The following SBF1 variants were observed in gnomAD, a reference collection of about 807,000 sequenced individuals.
SBF1 encodes SET binding factor 1.
SBF1 carries 65 observed loss-of-function variants against 215.8 expected under a neutral mutation model. That is an observed-to-expected ratio of 0.30 (90% confidence interval 0.25 to 0.37). SBF1 has a LOEUF of 0.37. Among genes scored for constraint, SBF1 ranks in the 10% least tolerant of loss-of-function variants. The probability of loss-of-function intolerance (pLI) is 1.00; values close to 1 mark genes in which losing one functional copy is unlikely to be tolerated. For synonymous variants in SBF1, 1,410 were observed against 1,122.8 expected (o/e 1.26, Z -5.11); for missense variants, 2,634 against 2,667.8 (o/e 0.99, Z 0.28).
At position 50,452,238 on chromosome 22, in the gene SBF1, TAAAC is replaced by T. The variant is rs374373074; in HGVS notation, c.5043+2270_5043+2273del. Among the ~76,000 whole-genome samples the T allele has an allele frequency of 4.1e-3, 624 of 151,078 alleles. 5 individuals carry two copies. The highest frequency in any genetic ancestry group is 0.012 in the African/African-American group (500 of 41,086). ...ATAAAGGCACCAAGATGTTTTCAGA[TAAAC>T]AAAAGCTGAGGGGATTTGTGACTGG... On this transcript the variant is annotated intron_variant, in intron 36 of 40. Coordinates refer to ENST00000380817, the MANE Select transcript of SBF1 (RefSeq NM_002972.4).
At position 50,464,228 on chromosome 22, in the gene SBF1, G is replaced by A. The variant is rs930254037; in HGVS notation, c.1749+101C>T. ...ACCTCTAGCTGTCTGTTAGGCAGAG[G>A]AGGCCCTGGGGCAGCGTCAGCACTC... On this transcript the variant is annotated intron_variant, in intron 15 of 40. Transcript: ENST00000380817. The A allele has an allele frequency of 1.0e-5, 10 of 986,038 alleles. No individual in the cohort carries two copies. The East Asian group carries it at 1.2e-4, about 12-fold the overall frequency. The allele number at this position is 986,038 out of a possible 1,614,324, so 61.1% of individuals were successfully genotyped here. A position where few individuals can be genotyped will look rare whatever the true frequency, so the allele number is the denominator to read the frequency against.
Position 50,454,559 on chromosome 22 carries a change from C to G in SBF1, c.4996G>C (p.Asp1666His). Residue 1666 changes from aspartate (D) to histidine (H), a missense_variant, in exon 36 of 41, where the codon GAC (aspartate) becomes CAC (histidine). Transcript: ENST00000380817. ...SRRRVVWPCY[D>H]SCPRAQPDAI... ...TCAGGCTGGGCCCGCGGGCAGCTGT[C>G]GTAACAGGGCCACACCACGCGGCGC... 1 of 1,611,630 alleles carries G rather than the reference C, an allele frequency of 6.2e-7. No homozygotes were observed. The highest frequency in any genetic ancestry group is 1.7e-4 in the Middle Eastern group (1 of 6,040).
At position 50,467,572 on chromosome 22, in the gene SBF1, A is replaced by G; in HGVS notation, c.398T>C (p.Leu133Pro). 3 of 1,614,152 alleles carry G rather than the reference A, an allele frequency of 1.9e-6. No individual in the cohort carries two copies. Among genetic ancestry groups the G allele is most frequent in the Non-Finnish European group, 2.5e-6 (3 of 1,180,008 alleles). ...PSAQLFAPKT[L>P]VLVSRLDHTE... ...GTGGTCGAGTCGCGACACCAGTACCAGCGTCTTCGGTGCAAACAGCTGGGC... is the reference window on the plus strand; with the variant it reads ...GTGGTCGAGTCGCGACACCAGTACCGGCGTCTTCGGTGCAAACAGCTGGGC... The change falls in exon 4 of 41, where the codon CTG (leucine) becomes CCG (proline). Residue 133 changes from leucine to proline, a missense_variant. Leu to Pro is a moderately conservative substitution (Grantham distance 98, BLOSUM62 -3). Coordinates refer to ENST00000380817, the MANE Select transcript of SBF1 (RefSeq NM_002972.4).
intron 1 of SBF1, among the ~76,000 whole-genome samples, chr22:50,471,676 C>T (rs2068001259): frequency 6.6e-6 from 1 of 152,160 alleles, no homozygotes; most frequent in Admixed American, 6.5e-5. Context: ...GCTTCCACAG[C>T]CATCCCCCCC....
At chr22:50,452,840 G>A (rs1246349801) in intron 36 of SBF1, among the ~76,000 whole-genome samples, 1 of 151,588 alleles carries the variant, frequency 6.6e-6, no homozygotes, top group Non-Finnish European at 1.5e-5. Flanking sequence ...ACTGCCGTAA[G>A]GCTCTTCTGG....
In SBF1 at chr22:50,446,624, G is replaced by A. The variant is rs1006702202; in HGVS notation, c.*518C>T. On this transcript the variant is annotated 3_prime_UTR_variant, in exon 41 of 41. Transcript: ENST00000380817. The stretch of plus-strand genomic sequence containing the variant: ...CCCAGTGAAGCCTCCTGCTCGATCC[G>A]CCCCCAGAGCAAAGTCACTCCCAGG... The A allele has an allele frequency of 7.1e-5, 25 of 350,558 alleles. No individual in the cohort carries two copies. The highest frequency in any genetic ancestry group is 1.1e-4 in the South Asian group (5 of 46,054). 21.7% of individuals were successfully genotyped at this position (350,558 alleles called of 1,614,324 possible). A position where few individuals can be genotyped will look rare whatever the true frequency, so the allele number is the denominator to read the frequency against.
rs557476552 is a variant in SBF1, at chr22:50,462,893, G to A, written c.1945C>T (p.Pro649Ser). Residue 649 changes from proline to serine, a missense_variant, in exon 17 of 41, where the codon CCT becomes TCT. By Grantham distance (74) the Pro-to-Ser change is moderately conservative. Transcript: ENST00000380817. Reference protein sequence around the residue: ...DEHGIAAALLPLVTAFCRKLS... With the variant: ...DEHGIAAALLSLVTAFCRKLS... ...ACCCGGCAGAAGGCTGTGACCAGAGGCAGCAGAGCCGCCGCAATGCCATGC... is the reference window on the plus strand; with the variant it reads ...ACCCGGCAGAAGGCTGTGACCAGAGACAGCAGAGCCGCCGCAATGCCATGC... The A allele has an allele frequency of 1.2e-6, 2 of 1,613,002 alleles. No individual in the cohort carries two copies. The highest frequency in any genetic ancestry group is 1.1e-5 in the South Asian group (1 of 91,052).
rs376814960 is a variant in SBF1 at position 50,468,441 on chromosome 22, G to T, written c.76C>A (p.Gln26Lys). ...TTCTCTGGGAAGCGCTGCAGAATCT[G>T]GCCCTGGCCTTCCCCACTCCCTGAG... is the stretch of plus-strand genomic sequence containing the variant. ...HPRGSGEGQG[Q>K]ILQRFPEKDW... is the part of the protein sequence containing the mutation. The change falls in exon 2 of 41, where the codon CAG becomes AAG. Residue 26 changes from glutamine to lysine, a missense_variant. Physicochemically the swap from Gln to Lys is moderately conservative, Grantham distance 53. Transcript: ENST00000380817. 2.5e-6 allele frequency: 4 copies of T among 1,609,486 alleles called. No homozygotes were observed. Among genetic ancestry groups the T allele is most frequent in the Non-Finnish European group, 3.4e-6 (4 of 1,177,718 alleles).
At chr22:50,452,879 A>G (rs985712960) in intron 36 of SBF1, among the ~76,000 whole-genome samples, 2 of 152,152 alleles carry the variant, frequency 1.3e-5, no homozygotes, top group Non-Finnish European at 2.9e-5. Flanking sequence ...ATTTCAAGTC[A>G]GATGATTATA....
At chr22:50,453,168 C>G (rs559328075) in intron 36 of SBF1, among the ~76,000 whole-genome samples, 2 of 152,186 alleles carry the variant, frequency 1.3e-5, no homozygotes, top group South Asian at 4.1e-4. Flanking sequence ...AGAAACTCAC[C>G]TTAAACATAA....
chr22:50,469,298 C>G (rs1215818237), intron 1 of SBF1, among the ~76,000 whole-genome samples: 1 of 152,252 alleles, frequency 6.6e-6, no homozygotes, highest in Non-Finnish European at 1.5e-5. Flanking sequence ...CTAAGCTCCC[C>G]TGGGCCAGGA....
intron 1 of SBF1, among the ~76,000 whole-genome samples, chr22:50,474,328 G>A (rs916945721): frequency 2.6e-5 from 4 of 152,246 alleles, no homozygotes; most frequent in Non-Finnish European, 5.9e-5. Context: ...TTCAGACGGA[G>A]CACCAAGGTC....
chr22:50,448,469 G>A, intron 37 of SBF1, 25 bp from the exon 38 acceptor site: 3 of 1,611,992 alleles, frequency 1.9e-6, no homozygotes, highest in Non-Finnish European at 1.7e-6. Context: ...TTGGGACTTG[G>A]GTCAGGGCTG....
rs1487283028 is a variant in SBF1 at position 50,461,503 on chromosome 22, CAG to C, written c.2839+18_2839+19del. 9 of 1,581,988 alleles carry C rather than the reference CAG, an allele frequency of 5.7e-6. No homozygotes were observed. Among genetic ancestry groups the C allele is most frequent in the South Asian group, 4.5e-5 (4 of 89,564 alleles). ...CCTGGGGGAGAGGGGGCGACAGGGC[CAG>C]AGAGTCTGCAGGCTCACCCAGGGGG... On this transcript the variant is annotated intron_variant, in intron 22 of 40. Transcript: ENST00000380817.
Position 50,464,433 on chromosome 22 carries a change from G to C in SBF1, c.1645C>G (p.Leu549Val). ...VPSGPPMTAI[L>V]ERCSGLHVNS... ...ACATGCAGCCCACTGCACCGCTCCA[G>C]TATGGCAGCTGCGGGGACAGAATAC... Residue 549 changes from leucine (L) to valine (V), a missense_variant, in exon 15 of 41, where the codon CTG becomes GTG. Physicochemically the swap from Leu to Val is conservative, Grantham distance 32. Coordinates refer to ENST00000380817, the MANE Select transcript of SBF1 (RefSeq NM_002972.4). The C allele has an allele frequency of 6.2e-7, 1 of 1,613,488 alleles. No homozygotes were observed.
Position 50,462,695 on chromosome 22 carries a change from T to C in SBF1, c.1991A>G (p.Gln664Arg). ...FCRKLSPGVT[Q>R]FAYSCVQEHV... is the part of the protein sequence containing the mutation. ...CTCCTGCACACAGCTGTATGCAAAC[T>C]GCGTCACCCCCGGGCTCAGCTTCTG... The change falls in exon 18 of 41, where the codon CAG becomes CGG. Residue 664 changes from glutamine to arginine, a missense_variant. Gln to Arg is a conservative substitution (Grantham distance 43). Coordinates refer to ENST00000380817, the MANE Select transcript of SBF1 (RefSeq NM_002972.4). 6.2e-7 allele frequency: 1 copy of C among 1,612,066 alleles called. No individual in the cohort carries two copies. Among genetic ancestry groups the C allele is most frequent in the Non-Finnish European group, 8.5e-7 (1 of 1,179,458 alleles).
At chr22:50,455,646 G>A (rs1456364801) in intron 31 of SBF1, 64 bp from the exon 32 acceptor site, 5 of 1,373,750 alleles carry the variant, frequency 3.6e-6, no homozygotes, top group Non-Finnish European at 5.1e-6. Context: ...CCACTCACCA[G>A]GCCAGAGACC....
chr22:50,452,083 G>A (rs772290657), intron 36 of SBF1, among the ~76,000 whole-genome samples: 1 of 150,104 alleles, frequency 6.7e-6, no homozygotes, highest in East Asian at 2.0e-4. Flanking sequence ...GGCGTGAGCC[G>A]CTGCGCCCAG....
At chr22:50,450,824 C>A (rs188479066) in intron 36 of SBF1, among the ~76,000 whole-genome samples, 1 of 152,042 alleles carries the variant, frequency 6.6e-6, no homozygotes. Context: ...AAAGACAACA[C>A]AGGCAGGGCA....
Sources: gnomAD v4.1 joint callset for allele counts (sites outside exome capture counted in the v4.1 genomes callset) on GRCh38, gnomAD v4.1.1 for gene constraint, MANE v1.5 for transcripts, NCBI Gene and HGNC (gene_info 2026-07-23, HGNC 2026-07-21) for gene names.